CTDP1: variants seen among roughly 807,000 people sequenced by gnomAD.
CTDP1 encodes CTD phosphatase 1.
CTDP1 carries 47 observed loss-of-function variants against 91.8 expected under a neutral mutation model. That is an observed-to-expected ratio of 0.51 (90% confidence interval 0.41 to 0.65). CTDP1 has a LOEUF of 0.65. CTDP1 is among the 30% of genes least tolerant of loss of function. The probability of loss-of-function intolerance (pLI) is 0.00; values close to 1 mark genes in which losing one functional copy is unlikely to be tolerated. For missense variants in CTDP1, 1,272 were observed against 1,373.7 expected, an observed-to-expected ratio of 0.93 and a Z score of 1.17; for synonymous variants, 656 against 598.5, an observed-to-expected ratio of 1.10 and a Z score of -1.40.
chr18:79,734,749 T>A (rs969935067), intron 11 of CTDP1, among the ~76,000 whole-genome samples: 1 of 152,254 alleles, frequency 6.6e-6, no homozygotes, highest in Non-Finnish European at 1.5e-5. Flanking sequence ...TAGAATTTAG[T>A]AGAATTATTC....
chr18:79,713,887 C>T lies in CTDP1; in HGVS notation c.1031-604C>T, dbSNP rs999915107. On this transcript the variant is annotated intron_variant, in intron 7 of 12. Coordinates refer to ENST00000613122, the MANE Select transcript of CTDP1 (RefSeq NM_004715.5). This position sits in a 1 kb window ranked among gnomAD's most constrained non-coding sequence, Gnocchi z 4.7. ...GTGGCGCCAGGTCTGCAGGGGCTTA[C>T]GGCCACGGTGGCGCCAGGTCTGCAG... 6.7e-6 allele frequency among the ~76,000 whole-genome samples: 1 copy of T among 149,464 alleles called. No homozygotes were observed. Among genetic ancestry groups the T allele is most frequent in the African/African-American group, 2.5e-5 (1 of 40,468 alleles).
chr18:79,692,248 G>A (rs2085640770), intron 1 of CTDP1, among the ~76,000 whole-genome samples: 1 of 152,086 alleles, frequency 6.6e-6, no homozygotes, highest in African/African-American at 2.4e-5. Context: ...TGATCCATTT[G>A]TGTGAAGCCC....
chr18:79,706,163 G>A (rs1179740060), intron 5 of CTDP1, among the ~76,000 whole-genome samples: 1 of 152,218 alleles, frequency 6.6e-6, no homozygotes, highest in Non-Finnish European at 1.5e-5. Flanking sequence ...TGCGGGAAAT[G>A]CAGCAAGCCG....
At chr18:79,710,274 A>T in intron 5 of CTDP1, 72 bp from the exon 6 acceptor site, 1 of 1,189,808 alleles carries the variant, frequency 8.4e-7, no homozygotes, top group Non-Finnish European at 1.3e-6. Flanking sequence ...AAAACATTCA[A>T]GGCTTCACCA....
rs982895534 is a variant in CTDP1 at position 79,702,308 on chromosome 18, G to A, written c.622-2459G>A. ...AGGTGAGACCCTGCGCCGACAGAAA[G>A]ACTATGACTTGCTGAAGGTTCAGAT... On this transcript the variant is annotated intron_variant, in intron 4 of 12. Transcript: ENST00000613122. Among the ~76,000 whole-genome samples, 11 of 152,310 alleles carry A rather than the reference G, an allele frequency of 7.2e-5. No individual in the cohort carries two copies. In the South Asian group the frequency reaches 1.7e-3, roughly 23 times the overall value.
At chr18:79,704,123 A>G (rs1316750799) in intron 4 of CTDP1, among the ~76,000 whole-genome samples, 1 of 152,198 alleles carries the variant, frequency 6.6e-6, no homozygotes, top group Non-Finnish European at 1.5e-5. Flanking sequence ...CACTGAGGGC[A>G]TTCCCGCAGC....
At chr18:79,720,155 GTGA>G (rs1276962816) in intron 10 of CTDP1, among the ~76,000 whole-genome samples, 25 of 145,474 alleles carry the variant, frequency 1.7e-4, no homozygotes, top group African/African-American at 4.1e-4. Context: ...CTGTGTCCTG[GTGA>G]TGATGTCACC....
chr18:79,749,501 C>CGCCACGCACTCCTGAG (rs142577028), intron 12 of CTDP1, among the ~76,000 whole-genome samples: 7 of 150,172 alleles, frequency 4.7e-5, no homozygotes, highest in Non-Finnish European at 8.9e-5. Flanking sequence ...GTGAGGGTCG[C>CGCCACGCACTCCTGAG]GCCCCGTGCA....
intron 1 of CTDP1, among the ~76,000 whole-genome samples, chr18:79,680,663 A>T (rs2085344624): frequency 6.6e-6 from 1 of 152,208 alleles, no homozygotes; most frequent in South Asian, 2.1e-4. Flanking sequence ...GGGTGTGTGC[A>T]CATCTTTAAA....
rs111844122 is a variant in CTDP1 at position 79,695,786 on chromosome 18, G to A, written c.399-191G>A. Among the ~76,000 whole-genome samples the A allele has an allele frequency of 4.4e-3, 675 of 152,298 alleles. 3 individuals carry two copies. The highest frequency in any genetic ancestry group is 0.015 in the African/African-American group (609 of 41,552). ...TCTGTGTGTTCATGAGTGTGGCCACGAGCTCAGTGTTTCCACCAGTTTTCC... is the reference window on the plus strand; with the variant it reads ...TCTGTGTGTTCATGAGTGTGGCCACAAGCTCAGTGTTTCCACCAGTTTTCC... On this transcript the variant is annotated intron_variant, in intron 2 of 12. Coordinates refer to ENST00000613122, the MANE Select transcript of CTDP1 (RefSeq NM_004715.5).
rs1172115944 is a variant in CTDP1 at position 79,714,602 on chromosome 18, C to T, written c.1142C>T (p.Ala381Val). The T allele has an allele frequency of 6.2e-7, 1 of 1,613,026 alleles. No individual in the cohort carries two copies. Among genetic ancestry groups the T allele is most frequent in the Admixed American group, 1.7e-5 (1 of 60,032 alleles). ...CCCAGCAATGGCCTGGAGAAGCCTG[C>T]ACGGGAGCTGAACGGCAGCGAGGCC... ...VEPSNGLEKP[A>V]RELNGSEAAT... Residue 381 changes from alanine (A) to valine (V), a missense_variant, in exon 8 of 13, where the codon GCA becomes GTA. This residue lies in a region of CTDP1 where 881 missense variants were observed against 911.6 expected (regional missense o/e 0.97). Coordinates refer to ENST00000613122, the MANE Select transcript of CTDP1 (RefSeq NM_004715.5).
intron 6 of CTDP1, among the ~76,000 whole-genome samples, 168 bp downstream of exon 6, chr18:79,710,604 T>A (rs1340651587): frequency 6.6e-6 from 1 of 151,582 alleles, no homozygotes; most frequent in Non-Finnish European, 1.5e-5. Context: ...CACTGCAAGC[T>A]CTGCTTCCAG....
chr18:79,700,055 G>A (rs150257703), intron 4 of CTDP1, among the ~76,000 whole-genome samples: 7 of 152,270 alleles, frequency 4.6e-5, no homozygotes, highest in East Asian at 1.9e-4. Context: ...GACGGCAAAC[G>A]TAATGGGTAG....
chr18:79,706,662 A>G (rs571133987), intron 5 of CTDP1, among the ~76,000 whole-genome samples: 1 of 152,272 alleles, frequency 6.6e-6, no homozygotes, highest in East Asian at 1.9e-4. Flanking sequence ...TTTATCCATC[A>G]CGTTGTTATA....
At chr18:79,740,993 G>T (rs72976168) in intron 12 of CTDP1, among the ~76,000 whole-genome samples, 2 of 151,650 alleles carry the variant, frequency 1.3e-5, no homozygotes, top group African/African-American at 2.4e-5. Context: ...TCCCCCGTGC[G>T]GTTGATCTGT....
intron 8 of CTDP1, 21 bp downstream of exon 8, chr18:79,715,549 C>G: frequency 1.3e-6 from 2 of 1,538,504 alleles, no homozygotes; most frequent in Non-Finnish European, 1.7e-6. Flanking sequence ...CCTCCCTGTG[C>G]CCTGGGCATG....
Position 79,710,686 on chromosome 18 carries a change from ATTTTTTTTTTTTTTTTTT to A in CTDP1, c.863+265_863+282del, listed in dbSNP as rs11306504. 4.5e-5 allele frequency among the ~76,000 whole-genome samples: 4 copies of A among 88,502 alleles called. No individual in the cohort carries two copies. The Admixed American group carries it at 4.9e-4, about 11-fold the overall frequency. 58.1% of individuals were successfully genotyped at this position (88,502 alleles called of 152,430 possible). On this transcript the variant is annotated intron_variant, in intron 6 of 12. Coordinates refer to ENST00000613122, the MANE Select transcript of CTDP1 (RefSeq NM_004715.5). ...CAGGCACCCACCACCTCGCCCGGCA[ATTTTTTTTTTTTTTTTTT>A]TTTTTTTTTTTTTTGTATTTTTAGT...
In CTDP1 at chr18:79,697,890, C is replaced by G; in HGVS notation, c.523C>G (p.Gln175Glu). 1 of 1,614,224 alleles carries G rather than the reference C, an allele frequency of 6.2e-7. No homozygotes were observed. Among genetic ancestry groups the G allele is most frequent in the Non-Finnish European group, 8.5e-7 (1 of 1,180,042 alleles). ...TGAACAGCTGGGAAGAGAAGACCAG[C>G]AGCGACTGCACCGAAACCGGAAGCT... ...QAEQLGREDQ[Q>E]RLHRNRKLVL... Residue 175 changes from glutamine to glutamate, a missense_variant, in exon 4 of 13, where the codon CAG becomes GAG. By Grantham distance (29) the Gln-to-Glu change is conservative. Coordinates refer to ENST00000613122, the MANE Select transcript of CTDP1 (RefSeq NM_004715.5).
chr18:79,683,370 C>A (rs1234499961), intron 1 of CTDP1, among the ~76,000 whole-genome samples: 1 of 152,226 alleles, frequency 6.6e-6, no homozygotes, highest in African/African-American at 2.4e-5. Flanking sequence ...ATAACACGCA[C>A]TTGTATAGAC....
Sources: gnomAD v4.1 joint callset for allele counts (sites outside exome capture counted in the v4.1 genomes callset) on GRCh38, gnomAD v4.1.1 for gene constraint, gnomAD v4.1.1 regional missense constraint, Gnocchi (gnomAD v3.1) non-coding constraint, MANE v1.5 for transcripts, NCBI Gene and HGNC (gene_info 2026-07-23, HGNC 2026-07-21) for gene names.